The following CSNK2A2IP variants were observed in gnomAD, a reference collection of about 807,000 sequenced individuals.
The protein encoded by CSNK2A2IP is casein kinase 2 subunit alpha' interacting protein, also known as casein kinase II subunit alpha'-interacting protein.
At chr3:88,376,176 T>C in the CSNK2A2IP span, among the ~76,000 whole-genome samples, 1 of 150,914 alleles carries the variant, frequency 6.6e-6, no homozygotes, top group Non-Finnish European at 1.5e-5. Context: ...CTTTTCTATA[T>C]TTCTAAATAT....
chr3:88,452,192 T>C, the CSNK2A2IP span, among the ~76,000 whole-genome samples: 1 of 151,712 alleles, frequency 6.6e-6, no homozygotes, highest in African/African-American at 2.4e-5. Context: ...TTTTTTTTTT[T>C]ACTTCCTCTG....
At chr3:88,404,378 C>T in the CSNK2A2IP span, among the ~76,000 whole-genome samples, 3 of 152,090 alleles carry the variant, frequency 2.0e-5, no homozygotes, top group African/African-American at 7.2e-5. Flanking sequence ...TAAGAAAATC[C>T]TCAATATTCA....
chr3:88,360,279 G>A, the CSNK2A2IP span, among the ~76,000 whole-genome samples: 39 of 151,762 alleles, frequency 2.6e-4, no homozygotes, highest in African/African-American at 7.5e-4. Flanking sequence ...GACTACAGGC[G>A]CCCACCACAA....
chr3:88,420,154 G>T, the CSNK2A2IP span, among the ~76,000 whole-genome samples: 1 of 152,136 alleles, frequency 6.6e-6, no homozygotes, highest in Non-Finnish European at 1.5e-5. Flanking sequence ...GGAATAGCTG[G>T]TCTACTCTAG....
the CSNK2A2IP span, among the ~76,000 whole-genome samples, chr3:88,360,253 C>T: frequency 6.6e-6 from 1 of 151,854 alleles, no homozygotes; most frequent in Non-Finnish European, 1.5e-5. Context: ...CCTGCCTCAG[C>T]CTCCCGAGTA....
the CSNK2A2IP span, among the ~76,000 whole-genome samples, chr3:88,349,966 A>G: frequency 6.6e-6 from 1 of 152,124 alleles, no homozygotes; most frequent in Non-Finnish European, 1.5e-5. Flanking sequence ...CAAGTTTATT[A>G]TACAAGGCTG....
the CSNK2A2IP span, among the ~76,000 whole-genome samples, chr3:88,376,249 C>CGGAG: frequency 1.3e-5 from 2 of 151,732 alleles, no homozygotes; most frequent in African/African-American, 4.8e-5. Context: ...CTCTCCCACT[C>CGGAG]TAAAACATAT....
chr3:88,368,483 A>G, the CSNK2A2IP span, among the ~76,000 whole-genome samples: 3 of 152,032 alleles, frequency 2.0e-5, no homozygotes, highest in Non-Finnish European at 4.4e-5. Flanking sequence ...AGATTTGGAG[A>G]AAGAGACCTT....
At chr3:88,379,910 C>T in the CSNK2A2IP span, among the ~76,000 whole-genome samples, 2 of 152,088 alleles carry the variant, frequency 1.3e-5, no homozygotes, top group Non-Finnish European at 2.9e-5. Context: ...TATCAAACAA[C>T]TTCCGCAGAA....
the CSNK2A2IP span, among the ~76,000 whole-genome samples, chr3:88,438,691 C>T: frequency 3.9e-3 from 594 of 152,236 alleles, 5 homozygotes; most frequent in Non-Finnish European, 6.6e-3. Flanking sequence ...AATCACATTT[C>T]CACACACTGT....
At chr3:88,408,838 GT>G in the CSNK2A2IP span, among the ~76,000 whole-genome samples, 13 of 146,366 alleles carry the variant, frequency 8.9e-5, no homozygotes, top group South Asian at 2.2e-4. Flanking sequence ...TTGTTTTAAT[GT>G]TTTTTTTTTG....
the CSNK2A2IP span, among the ~76,000 whole-genome samples, chr3:88,457,747 A>T: frequency 7.1e-6 from 1 of 141,768 alleles, no homozygotes; most frequent in African/African-American, 2.5e-5. Context: ...AAATAAAATA[A>T]AATAAAATCT....
At chr3:88,422,639 T>C in the CSNK2A2IP span, among the ~76,000 whole-genome samples, 1,297 of 152,308 alleles carry the variant, frequency 8.5e-3, 11 homozygotes, top group African/African-American at 0.03. Context: ...TTTCTGATGG[T>C]ATAGTTTCAT....
chr3:88,447,155 T>A, the CSNK2A2IP span, among the ~76,000 whole-genome samples: 6 of 152,076 alleles, frequency 3.9e-5, no homozygotes, highest in Non-Finnish European at 8.8e-5. Context: ...AACAAAGAGA[T>A]AAACACATCT....
At chr3:88,436,870 G>T in the CSNK2A2IP span, among the ~76,000 whole-genome samples, 1 of 151,970 alleles carries the variant, frequency 6.6e-6, no homozygotes, top group Non-Finnish European at 1.5e-5. Flanking sequence ...TCCTAAAATG[G>T]CCAGTATTTA....
At chr3:88,398,418 G>A in the CSNK2A2IP span, among the ~76,000 whole-genome samples, 1 of 152,002 alleles carries the variant, frequency 6.6e-6, no homozygotes, top group South Asian at 2.1e-4. Flanking sequence ...AATGCTGAAG[G>A]ACCCCACTAA....
chr3:88,405,680 C>A, the CSNK2A2IP span, among the ~76,000 whole-genome samples: 1 of 152,152 alleles, frequency 6.6e-6, no homozygotes, highest in African/African-American at 2.4e-5. Flanking sequence ...TTATTAAACT[C>A]TCTTCCAATT....
At chr3:88,463,594 A>G in the CSNK2A2IP span, among the ~76,000 whole-genome samples, 3 of 152,172 alleles carry the variant, frequency 2.0e-5, no homozygotes, top group Non-Finnish European at 2.9e-5. Flanking sequence ...AATCAAAACC[A>G]CAATGAGATA....
the CSNK2A2IP span, among the ~76,000 whole-genome samples, chr3:88,367,956 G>A: frequency 5.9e-5 from 9 of 151,980 alleles, no homozygotes; most frequent in Non-Finnish European, 1.0e-4. Flanking sequence ...AGCAGTGAGC[G>A]TTCTGTTGTG....
Sources: gnomAD v4.1 joint callset for allele counts (sites outside exome capture counted in the v4.1 genomes callset) on GRCh38, gnomAD v4.1.1 for gene constraint, MANE v1.5 for transcripts, NCBI Gene and HGNC (gene_info 2026-07-23, HGNC 2026-07-21) for gene names.